The following OR10D3 variants were observed in gnomAD, a reference collection of about 807,000 sequenced individuals.
OR10D3 encodes olfactory receptor family 10 subfamily D member 3, also known as olfactory receptor 10D3.
For missense variants in OR10D3, 286 were observed against 153.7 expected (o/e 1.86, Z -4.55); for synonymous variants, 100 against 57.6 (o/e 1.74, Z -3.33).
At chr11:124,183,560 T>TTCCCTCCTTCCC (rs1861187933) in intron 1 of OR10D3, among the ~76,000 whole-genome samples, 177 bp downstream of exon 1, 2 of 102,420 alleles carry the variant, frequency 2.0e-5, no homozygotes, top group African/African-American at 8.1e-5. Context: ...CCTTCCCTCC[T>TTCCCTCCTTCCC]TCCCTCCCTC....
exon 2 of OR10D3, chr11:124,187,625 C>CT (rs1565302767): frequency 6.6e-6 from 1 of 152,196 alleles, no homozygotes; most frequent in Non-Finnish European, 1.5e-5. Flanking sequence ...TCATATTCTC[C>CT]TTTTTATCCC....
At chr11:124,185,792 G>A (rs1232318098) in exon 2 of OR10D3, 1 of 703,692 alleles carries the variant, frequency 1.4e-6, no homozygotes, top group South Asian at 1.5e-5. Flanking sequence ...CAATGAAGTG[G>A]ATCACTTCTT....
At chr11:124,186,277 A>C in exon 2 of OR10D3, 3 of 625,866 alleles carry the variant, frequency 4.8e-6, no homozygotes, top group Non-Finnish European at 8.6e-6. Flanking sequence ...TTCATTCTGG[A>C]ATCTTCATAT....
exon 2 of OR10D3, chr11:124,185,575 C>T: frequency 1.4e-6 from 1 of 703,494 alleles, no homozygotes; most frequent in Middle Eastern, 2.3e-4. Context: ...GCCAGCTTTT[C>T]TTCTTCCATT....
exon 2 of OR10D3, chr11:124,185,569 G>C (rs1474537592): frequency 1.4e-6 from 1 of 703,392 alleles, no homozygotes; most frequent in Non-Finnish European, 2.6e-6. Flanking sequence ...GTGTCTGCCA[G>C]CTTTTCTTCT....
chr11:124,184,278 C>G (rs1385614353), intron 1 of OR10D3: 1 of 152,180 alleles, frequency 6.6e-6, no homozygotes, highest in African/African-American at 2.4e-5. Flanking sequence ...CAATTCTTGC[C>G]AGGCATTGAG....
Position 124,186,009 on chromosome 11 carries a change from C to A in OR10D3, c.740C>A (p.Ala247Asp), listed in dbSNP as rs1014563561. The change falls in exon 2 of 2, where the codon GCC (alanine) becomes GAC (aspartate). Residue 247 changes from alanine to aspartate, a missense_variant. By Grantham distance (126) the Ala-to-Asp change is moderately radical. Coordinates refer to ENST00000641351, the Ensembl canonical transcript of OR10D3. ...TCCACCTGCAGTGCTCACCTCATTG[C>A]CATCCTCTGTGCCTATGGGCCCATC... 5 of 703,474 alleles carry A rather than the reference C, an allele frequency of 7.1e-6. No homozygotes were observed. The East Asian group carries it at 8.0e-5, about 11-fold the overall frequency. 43.6% of individuals were successfully genotyped at this position (703,474 alleles called of 1,614,324 possible).
intron 1 of OR10D3, chr11:124,184,399 G>C (rs974857349): frequency 6.6e-6 from 1 of 152,066 alleles, no homozygotes; most frequent in Admixed American, 6.6e-5. Flanking sequence ...TGTTATATTT[G>C]TGTGTGTGTG....
intron 1 of OR10D3, among the ~76,000 whole-genome samples, chr11:124,184,698 C>T (rs769661800): frequency 1.3e-5 from 2 of 152,192 alleles, no homozygotes; most frequent in Non-Finnish European, 2.9e-5. Context: ...GTAATCTTTT[C>T]TGTAGACCTC....
At chr11:124,185,462 A>G (rs1167721859) in exon 2 of OR10D3, 2 of 702,960 alleles carry the variant, frequency 2.8e-6, no homozygotes, top group Non-Finnish European at 5.2e-6. Context: ...CTTCCTGGGA[A>G]ACTTGTCTGT....
Position 124,185,458 on chromosome 11 carries a change from G to A in OR10D3, c.189G>A (p.Leu63=), listed in dbSNP as rs139846207. 24 of 703,020 alleles carry A rather than the reference G, an allele frequency of 3.4e-5. No individual in the cohort carries two copies. In the East Asian group the frequency reaches 6.2e-4, roughly 18 times the overall value. The allele number at this position is 703,020 out of a possible 1,614,324, so 43.5% of individuals were successfully genotyped here. Residue 63 remains leucine, a synonymous_variant, in exon 2 of 2, where the codon CTG becomes CTA. Coordinates refer to ENST00000641351, the Ensembl canonical transcript of OR10D3. ...TTCACACACCTATGTATTTCTTCCT[G>A]GGAAACTTGTCTGTGTTTGACATGG...
chr11:124,187,374 A>G (rs568414034), exon 2 of OR10D3: 2 of 152,304 alleles, frequency 1.3e-5, no homozygotes, highest in Admixed American at 6.5e-5. Context: ...ATGTGCATCA[A>G]AGTTATCTAC....
exon 2 of OR10D3, chr11:124,185,407 T>C: frequency 1.4e-6 from 1 of 703,152 alleles, no homozygotes; most frequent in Non-Finnish European, 2.6e-6. Flanking sequence ...TGTCTATCCT[T>C]GTTGCTGTTA....
intron 1 of OR10D3, chr11:124,184,394 T>TA (rs909227372): frequency 2.0e-5 from 3 of 152,232 alleles, no homozygotes; most frequent in Admixed American, 2.0e-4. Context: ...CTAGATGTTA[T>TA]ATTTGTGTGT....
exon 2 of OR10D3, chr11:124,188,771 C>G (rs1861251759): frequency 6.6e-6 from 1 of 152,178 alleles, no homozygotes; most frequent in Non-Finnish European, 1.5e-5. Context: ...TTTCCCTTTT[C>G]TCTGGTATAT....
exon 2 of OR10D3, chr11:124,186,404 C>T (rs901706018): frequency 2.2e-6 from 1 of 449,264 alleles, no homozygotes; most frequent in East Asian, 3.4e-5. Context: ...GCCTCTTCAC[C>T]TATCTTCAAA....
Position 124,185,569 on chromosome 11 carries a change from GCTTTT to G in OR10D3, c.304_308del (p.Phe102LeufsTer8), listed in dbSNP as rs1252534472. 2.8e-6 allele frequency: 2 copies of G among 703,392 alleles called. No homozygotes were observed. The highest frequency in any genetic ancestry group is 3.5e-5 in the African/African-American group (2 of 57,252). 43.6% of individuals were successfully genotyped at this position (703,392 alleles called of 1,614,324 possible). On this transcript the variant is annotated frameshift_variant, in exon 2 of 2. Coordinates refer to ENST00000641351, the Ensembl canonical transcript of OR10D3. LOFTEE classifies it low-confidence loss of function (END_TRUNC). ...TCTCCTACAAAGACTGTGTCTGCCA[GCTTTT>G]CTTCTTCCATTTCCTCGGGAGCATT...
At chr11:124,186,889 T>A (rs2137700338) in exon 2 of OR10D3, 1 of 152,354 alleles carries the variant, frequency 6.6e-6, no homozygotes, top group Non-Finnish European at 1.5e-5. Context: ...GTGTGGCAAG[T>A]AGTGTGGTAA....
chr11:124,188,283 T>G (rs577736235), exon 2 of OR10D3: 10 of 152,338 alleles, frequency 6.6e-5, no homozygotes, highest in Admixed American at 3.9e-4. Context: ...TCTTCATGTC[T>G]TCTTCCAGTA....
Sources: gnomAD v4.1 joint callset for allele counts (sites outside exome capture counted in the v4.1 genomes callset) on GRCh38, gnomAD v4.1.1 for gene constraint, MANE v1.5 for transcripts, NCBI Gene and HGNC (gene_info 2026-07-23, HGNC 2026-07-21) for gene names.